FBXW4: variants seen among roughly 807,000 people sequenced by gnomAD.
FBXW4 encodes the protein F-box/WD repeat-containing protein 4.
FBXW4 carries 40 observed loss-of-function variants against 61.8 expected under a neutral mutation model. That is an observed-to-expected ratio of 0.65 (90% CI 0.50 to 0.84). The LOEUF (loss-of-function observed/expected upper bound fraction) is 0.84, where lower values mean the gene tolerates loss of function less well. Among genes scored for constraint, FBXW4 ranks in the 40% least tolerant of loss-of-function variants. The pLI is 0.00. For missense variants in FBXW4, 672 were observed against 753.8 expected, an observed-to-expected ratio of 0.89 and a Z score of 1.27; for synonymous variants, 311 against 313.8, an observed-to-expected ratio of 0.99 and a Z score of 0.10.
At chr10:101,659,378 G>A (rs2064221261) in intron 5 of FBXW4, 10 of 985,154 alleles carry the variant, frequency 1.0e-5, no homozygotes, top group Non-Finnish European at 1.1e-5. Flanking sequence ...GCAGTGACTC[G>A]TGCAGTAAAG....
intron 1 of FBXW4, among the ~76,000 whole-genome samples, chr10:101,688,150 TC>T (rs1360714383): frequency 6.6e-6 from 1 of 152,234 alleles, no homozygotes; most frequent in African/African-American, 2.4e-5. Flanking sequence ...CTCCTATGAT[TC>T]TTTGACCTCC....
At chr10:101,630,655 TGAGGGAGAGACCAGTAGA>T (rs1165792615) in intron 5 of FBXW4, among the ~76,000 whole-genome samples, 2 of 151,990 alleles carry the variant, frequency 1.3e-5, no homozygotes, top group Non-Finnish European at 2.9e-5. Context: ...GACAGCACTG[TGAGGGAGAGACCAGTAGA>T]GTGGGAACAG....
chr10:101,638,624 A>G (rs2064024484), intron 5 of FBXW4, among the ~76,000 whole-genome samples: 1 of 152,246 alleles, frequency 6.6e-6, no homozygotes, highest in Admixed American at 6.5e-5. Flanking sequence ...TTATGTATAA[A>G]ACAACAAAAC....
chr10:101,649,050 A>C (rs2064124766), intron 5 of FBXW4, among the ~76,000 whole-genome samples: 1 of 152,136 alleles, frequency 6.6e-6, no homozygotes, highest in Admixed American at 6.5e-5. Flanking sequence ...CCATAAATAC[A>C]ATTATATTTT....
At chr10:101,654,599 C>T (rs2080699) in intron 5 of FBXW4, among the ~76,000 whole-genome samples, 151,800 of 152,312 alleles carry the variant, frequency 1, 75,648 homozygotes, top group East Asian at 1. Context: ...AGTAAGTAAA[C>T]ATCAACAGAA....
At chr10:101,663,324 T>A (rs2064263921) in intron 5 of FBXW4, among the ~76,000 whole-genome samples, 1 of 152,136 alleles carries the variant, frequency 6.6e-6, no homozygotes, top group Non-Finnish European at 1.5e-5. Flanking sequence ...ACGTATCAAG[T>A]GTTCAGTAAA....
At chr10:101,649,495 A>G (rs1220584762) in intron 5 of FBXW4, among the ~76,000 whole-genome samples, 2 of 152,252 alleles carry the variant, frequency 1.3e-5, no homozygotes, top group Non-Finnish European at 2.9e-5. Flanking sequence ...AAAGAACAGT[A>G]AAAGGAAAAA....
intron 6 of FBXW4, among the ~76,000 whole-genome samples, chr10:101,614,733 AG>A (rs2063813145): frequency 1.3e-5 from 2 of 152,208 alleles, no homozygotes; most frequent in Non-Finnish European, 2.9e-5. Flanking sequence ...AGGACCCTCA[AG>A]GCTCTGTTGT....
At chr10:101,649,167 C>T (rs1331758449) in intron 5 of FBXW4, among the ~76,000 whole-genome samples, 1 of 152,162 alleles carries the variant, frequency 6.6e-6, no homozygotes. Flanking sequence ...GTAAGAAATG[C>T]TCATTTTCTC....
rs138505099 is a variant in FBXW4 at position 101,662,878 on chromosome 10, C to A, written c.1235+5008G>T. ...ACTCCTGGAATGGTGCAAGCATTCACAGCTACCTGAGTGAGCCCAAGCCTC... is the reference window on the plus strand; with the variant it reads ...ACTCCTGGAATGGTGCAAGCATTCAAAGCTACCTGAGTGAGCCCAAGCCTC... On this transcript the variant is annotated intron_variant, in intron 5 of 8. Coordinates refer to ENST00000331272, the MANE Select transcript of FBXW4 (RefSeq NM_022039.4). 3.0e-3 allele frequency among the ~76,000 whole-genome samples: 463 copies of A among 152,326 alleles called. 5 individuals carry two copies. The highest frequency in any genetic ancestry group is 0.011 in the African/African-American group (450 of 41,570).
In FBXW4 at chr10:101,695,081, G is replaced by A. The variant is rs1217866660; in HGVS notation, c.25C>T (p.Pro9Ser). The A allele has an allele frequency of 2.1e-5, 21 of 987,362 alleles. No individual in the cohort carries two copies. Among genetic ancestry groups the A allele is most frequent in the South Asian group, 9.4e-5 (2 of 21,326 alleles). 61.2% of individuals were successfully genotyped at this position (987,362 alleles called of 1,614,324 possible). The change falls in exon 1 of 9, where the codon CCC (proline) becomes TCC (serine). Residue 9 changes from proline (P) to serine (S), a missense_variant. This residue lies in a region of FBXW4 where 38 missense variants were observed against 43.3 expected (regional missense o/e 0.88). Transcript: ENST00000331272. This position sits in a 1 kb window ranked among gnomAD's most constrained non-coding sequence, Gnocchi z 4.2. Reference sequence around the variant, plus strand: ...TCGCCGGGCCCGCCGTTCCCGGGGGGCCCCGAGCGGCCCTGGCTGCCCATG... The same window carrying A: ...TCGCCGGGCCCGCCGTTCCCGGGGGACCCCGAGCGGCCCTGGCTGCCCATG... MGSQGRSG[P>S]PGNGGPGEGE...
chr10:101,618,423 T>TGCCCAGAG (rs2063842493), intron 6 of FBXW4, among the ~76,000 whole-genome samples: 1 of 152,102 alleles, frequency 6.6e-6, no homozygotes, highest in African/African-American at 2.4e-5. Context: ...ATTCTGGGCA[T>TGCCCAGAG]GGGGTTGGCT....
chr10:101,641,659 C>A (rs2064054790), intron 5 of FBXW4, among the ~76,000 whole-genome samples: 1 of 144,442 alleles, frequency 6.9e-6, no homozygotes, highest in African/African-American at 2.6e-5. Flanking sequence ...TACACATACA[C>A]CTTAAGTGTG....
chr10:101,637,464 T>C (rs931975798), intron 5 of FBXW4, among the ~76,000 whole-genome samples: 9 of 149,692 alleles, frequency 6.0e-5, no homozygotes, highest in African/African-American at 1.7e-4. Context: ...TCCCAGCACT[T>C]TGGGAGACCA....
Position 101,694,399 on chromosome 10 carries a change from G to T in FBXW4, c.707C>A (p.Thr236Lys), listed in dbSNP as rs761288374. ...CGCTTACAGGTCGGTGCCGAGCCGC[G>T]TGAAGCCGGAGTTGAGCGAGGCCCG... Reference protein sequence around the residue: ...IARASLNSGFTRLGTDLMTSV... With the variant: ...IARASLNSGFKRLGTDLMTSV... The change falls in exon 1 of 9, where the codon ACG becomes AAG. Residue 236 changes from threonine to lysine, a missense_variant. Thr to Lys is a moderately conservative substitution (Grantham distance 78). Around this residue, in one of 5 missense-constraint regions of FBXW4, gnomAD observed 311 missense variants for 301.1 expected, o/e 1.03. Transcript: ENST00000331272. This position sits in a 1 kb window ranked among gnomAD's most constrained non-coding sequence, Gnocchi z 6.0. 1 of 1,484,248 alleles carries T rather than the reference G, an allele frequency of 6.7e-7. No homozygotes were observed. The highest frequency in any genetic ancestry group is 8.9e-7 in the Non-Finnish European group (1 of 1,129,200). The allele number at this position is 1,484,248 out of a possible 1,614,324, so 91.9% of individuals were successfully genotyped here. A position where few individuals can be genotyped will look rare whatever the true frequency, so the allele number is the denominator to read the frequency against.
chr10:101,646,588 G>A (rs1032208317), intron 5 of FBXW4, among the ~76,000 whole-genome samples: 7 of 152,246 alleles, frequency 4.6e-5, no homozygotes, highest in African/African-American at 1.4e-4. Flanking sequence ...CTGTGAGGCA[G>A]CCGGGAAGGC....
chr10:101,680,591 C>A (rs1319579064), intron 1 of FBXW4, among the ~76,000 whole-genome samples: 1 of 152,090 alleles, frequency 6.6e-6, no homozygotes, highest in African/African-American at 2.4e-5. Context: ...AGGAAACATC[C>A]CCCAAGAATA....
intron 5 of FBXW4, among the ~76,000 whole-genome samples, chr10:101,648,398 T>C (rs962733907): frequency 6.6e-6 from 1 of 152,210 alleles, no homozygotes; most frequent in Non-Finnish European, 1.5e-5. Flanking sequence ...GAACACTAAA[T>C]ACCAGATGAT....
At chr10:101,651,180 T>G (rs1161433935) in intron 5 of FBXW4, among the ~76,000 whole-genome samples, 1 of 152,100 alleles carries the variant, frequency 6.6e-6, no homozygotes, top group Non-Finnish European at 1.5e-5. Flanking sequence ...ACATGCCACC[T>G]GGTCCTTCCC....
Sources: gnomAD v4.1 joint callset for allele counts (sites outside exome capture counted in the v4.1 genomes callset) on GRCh38, gnomAD v4.1.1 for gene constraint, gnomAD v4.1.1 regional missense constraint, Gnocchi (gnomAD v3.1) non-coding constraint, MANE v1.5 for transcripts, NCBI Gene and HGNC (gene_info 2026-07-23, HGNC 2026-07-21) for gene names.